Variants in FAM169A observed in about 807,000 individuals in gnomAD.
FAM169A encodes family with sequence similarity 169 member A.
Under a neutral mutation model 75.7 loss-of-function variants are expected in FAM169A, and 24 were observed. The observed-to-expected ratio is 0.32, with a 90% CI of 0.23 to 0.45. The LOEUF is 0.45. FAM169A is among the 20% of genes least tolerant of loss of function. The pLI is 1.00. For missense variants in FAM169A, 673 were observed against 784.0 expected (o/e 0.86, Z 1.69); for synonymous variants, 271 against 271.0 (o/e 1.00, Z 0.00).
chr5:74,834,185 T>A (rs902295345), intron 5 of FAM169A, among the ~76,000 whole-genome samples: 3 of 152,188 alleles, frequency 2.0e-5, no homozygotes, highest in African/African-American at 7.2e-5. Context: ...TGTGTCTCCA[T>A]ATATATGGAG....
intron 11 of FAM169A, among the ~76,000 whole-genome samples, chr5:74,792,083 G>A (rs930788572): frequency 1.3e-5 from 2 of 152,116 alleles, no homozygotes; most frequent in Non-Finnish European, 2.9e-5. Flanking sequence ...GTTTCCACTT[G>A]TACGAATGAC....
rs1750343862 is a variant in FAM169A at position 74,866,327 on chromosome 5, G to A, written c.-166C>T. ...CGGCTGCCTCCCGCTCGCCCCGGACGCCCGGCTCCTCGTCGCGGGTCGGCC... is the reference window on the plus strand; with the variant it reads ...CGGCTGCCTCCCGCTCGCCCCGGACACCCGGCTCCTCGTCGCGGGTCGGCC... On this transcript the variant is annotated 5_prime_UTR_variant, in exon 1 of 13. Transcript: ENST00000687041. 2.0e-6 allele frequency: 2 copies of A among 984,236 alleles called. No individual in the cohort carries two copies. The highest frequency in any genetic ancestry group is 1.8e-5 in the African/African-American group (1 of 57,128). 61.0% of individuals were successfully genotyped at this position (984,236 alleles called of 1,614,324 possible). A position where few individuals can be genotyped will look rare whatever the true frequency, so the allele number is the denominator to read the frequency against.
chr5:74,797,012 A>G (rs773584703), intron 10 of FAM169A, among the ~76,000 whole-genome samples: 25 of 152,204 alleles, frequency 1.6e-4, no homozygotes, highest in African/African-American at 2.9e-4. Flanking sequence ...CTTCTCCCCA[A>G]TTCAGCTTCA....
rs138557100 is a variant in FAM169A at position 74,850,130 on chromosome 5, A to G, written c.-3-8451T>C. On this transcript the variant is annotated intron_variant, in intron 1 of 12. Transcript: ENST00000687041. ...ATCACCTGATGTAACTTTTATCTAA[A>G]ACCCATGAGGTGGGTGTTTTAATTC... 2.2e-3 allele frequency among the ~76,000 whole-genome samples: 339 copies of G among 152,314 alleles called. 1 individual carries two copies. Among genetic ancestry groups the G allele is most frequent in the African/African-American group, 7.8e-3 (323 of 41,582 alleles).
In FAM169A at chr5:74,779,968, A is replaced by G. The variant is rs1230489167; in HGVS notation, c.*1492T>C. The G allele has an allele frequency of 6.6e-6, 1 of 152,238 alleles. No homozygotes were observed. The highest frequency in any genetic ancestry group is 6.5e-5 in the Admixed American group (1 of 15,278). 9.4% of individuals were successfully genotyped at this position (152,238 alleles called of 1,614,324 possible). A position where few individuals can be genotyped will look rare whatever the true frequency, so the allele number is the denominator to read the frequency against. On this transcript the variant is annotated 3_prime_UTR_variant, in exon 13 of 13. Transcript: ENST00000687041. ...GGATCAAGATCAAGCTATTTTTAAAACAATTTAAATGGTCTCAAAACATTC... is the reference window on the plus strand; with the variant it reads ...GGATCAAGATCAAGCTATTTTTAAAGCAATTTAAATGGTCTCAAAACATTC...
At chr5:74,847,725 A>C (rs921978466) in intron 1 of FAM169A, among the ~76,000 whole-genome samples, 8 of 152,208 alleles carry the variant, frequency 5.3e-5, no homozygotes, top group Non-Finnish European at 1.2e-4. Context: ...CTACAGATCA[A>C]AGGCAAGTAG....
chr5:74,799,212 C>A (rs1468661114), intron 10 of FAM169A: 2 of 1,322,092 alleles, frequency 1.5e-6, no homozygotes, highest in Non-Finnish European at 2.2e-6. Flanking sequence ...GTGGGGCAGA[C>A]CACAATGCCT....
intron 1 of FAM169A, chr5:74,865,857 G>C (rs1256298248): frequency 6.6e-6 from 1 of 152,390 alleles, no homozygotes; most frequent in Non-Finnish European, 1.5e-5. Context: ...GAACCGGCCC[G>C]CGGCGGAGGC....
At chr5:74,852,436 A>G (rs968497887) in intron 1 of FAM169A, among the ~76,000 whole-genome samples, 1 of 152,222 alleles carries the variant, frequency 6.6e-6, no homozygotes, top group Non-Finnish European at 1.5e-5. Context: ...TACAAGAGAC[A>G]GTAGTCTTAT....
chr5:74,866,880 C>T (rs760285947), upstream of FAM169A: 7 of 985,516 alleles, frequency 7.1e-6, no homozygotes, highest in Non-Finnish European at 8.4e-6. Flanking sequence ...GGGCGAGGAC[C>T]GCCGGCCTCC....
chr5:74,860,539 T>C (rs1001487997), intron 1 of FAM169A, among the ~76,000 whole-genome samples: 2 of 152,130 alleles, frequency 1.3e-5, no homozygotes, highest in South Asian at 2.1e-4. Context: ...CTGACCACCT[T>C]CTGTCACTTA....
chr5:74,790,277 A>G (rs920557875), intron 11 of FAM169A, among the ~76,000 whole-genome samples: 7 of 152,226 alleles, frequency 4.6e-5, no homozygotes, highest in African/African-American at 1.4e-4. Flanking sequence ...GGACAGCTAC[A>G]GCCCTATAGC....
intron 6 of FAM169A, among the ~76,000 whole-genome samples, chr5:74,809,104 A>G (rs1450045587): frequency 6.6e-6 from 1 of 152,218 alleles, no homozygotes; most frequent in Non-Finnish European, 1.5e-5. Flanking sequence ...AACACTGATA[A>G]ATACTTCCAA....
intron 11 of FAM169A, among the ~76,000 whole-genome samples, chr5:74,795,393 GA>G (rs1318436388): frequency 3.9e-5 from 6 of 152,122 alleles, no homozygotes; most frequent in African/African-American, 1.4e-4. Context: ...CTGTGGAAAG[GA>G]AAAGATTGAA....
chr5:74,826,452 T>C (rs1364937218), intron 5 of FAM169A, among the ~76,000 whole-genome samples: 1 of 152,210 alleles, frequency 6.6e-6, no homozygotes, highest in Non-Finnish European at 1.5e-5. Context: ...TTTATATTGG[T>C]ATTTTTAGTT....
At chr5:74,821,813 T>G (rs1747779316) in intron 5 of FAM169A, among the ~76,000 whole-genome samples, 1 of 152,170 alleles carries the variant, frequency 6.6e-6, no homozygotes, top group African/African-American at 2.4e-5. Context: ...GAACTAAAAT[T>G]TATTTCCTAT....
At position 74,801,631 on chromosome 5, in the gene FAM169A, TAA is replaced by T. The variant is rs774860533; in HGVS notation, c.913-4_913-3del. 3 of 1,606,726 alleles carry T rather than the reference TAA, an allele frequency of 1.9e-6. No homozygotes were observed. The East Asian group carries it at 6.7e-5, about 36-fold the overall frequency. On this transcript the variant is annotated splice_region_variant and splice_polypyrimidine_tract_variant and intron_variant, in intron 8 of 12. Coordinates refer to ENST00000687041, the MANE Select transcript of FAM169A (RefSeq NM_001376049.1). ...AAAGGCATCTTTTAGAGAATCAATC[TAA>T]AAAAGAGAGAGATTCAAACCCAAAG...
chr5:74,863,295 T>C (rs761280636), intron 1 of FAM169A, among the ~76,000 whole-genome samples: 17 of 152,208 alleles, frequency 1.1e-4, no homozygotes, highest in Admixed American at 2.0e-4. Flanking sequence ...ATTGAAACAA[T>C]TGTGAAATAT....
At chr5:74,836,943 C>CAAAA (rs34901874) in intron 4 of FAM169A, among the ~76,000 whole-genome samples, 1 of 133,018 alleles carries the variant, frequency 7.5e-6, no homozygotes, top group Non-Finnish European at 1.7e-5. Context: ...AAGCCTGTGT[C>CAAAA]AAAAAAAAAA....
Sources: gnomAD v4.1 joint callset for allele counts (sites outside exome capture counted in the v4.1 genomes callset) on GRCh38, gnomAD v4.1.1 for gene constraint, MANE v1.5 for transcripts, NCBI Gene and HGNC (gene_info 2026-07-23, HGNC 2026-07-21) for gene names.